ARAP2: variants seen among roughly 807,000 people sequenced by gnomAD.
ARAP2 encodes the protein ArfGAP with RhoGAP domain, ankyrin repeat and PH domain 2, also known as arf-GAP with Rho-GAP domain, ANK repeat and PH domain-containing protein 2.
ARAP2 carries 148 observed loss-of-function variants against 194.5 expected under a neutral mutation model. The observed-to-expected ratio is 0.76, with a 90% CI of 0.67 to 0.87. ARAP2 has a LOEUF of 0.87. ARAP2 is among the 40% of genes least tolerant of loss of function. The probability of loss-of-function intolerance (pLI) is 0.00; values close to 1 mark genes in which losing one functional copy is unlikely to be tolerated. For missense variants in ARAP2, 2,128 were observed against 1,989.7 expected, an observed-to-expected ratio of 1.07 and a Z score of -1.32; for synonymous variants, 695 against 683.5, an observed-to-expected ratio of 1.02 and a Z score of -0.26.
intron 24 of ARAP2, among the ~76,000 whole-genome samples, chr4:36,119,338 T>C (rs1485075168): frequency 6.6e-6 from 1 of 151,554 alleles, no homozygotes; most frequent in Non-Finnish European, 1.5e-5. Flanking sequence ...TAAGTATTTC[T>C]TTGGTTTTAA....
chr4:36,079,111 T>C (rs1357613813), intron 31 of ARAP2, among the ~76,000 whole-genome samples: 3 of 146,314 alleles, frequency 2.1e-5, no homozygotes, highest in African/African-American at 7.6e-5. Context: ...GAGGCAGAGA[T>C]TGCAGTGGGC....
chr4:36,129,480 G>T (rs910249146), intron 20 of ARAP2, among the ~76,000 whole-genome samples: 1 of 151,794 alleles, frequency 6.6e-6, no homozygotes, highest in Non-Finnish European at 1.5e-5. Flanking sequence ...TATTAACAAT[G>T]TTCTTTTTTT....
At chr4:36,182,913 G>A (rs1035444361) in intron 8 of ARAP2, among the ~76,000 whole-genome samples, 1 of 152,228 alleles carries the variant, frequency 6.6e-6, no homozygotes, top group Non-Finnish European at 1.5e-5. Context: ...TGTCAAGTAG[G>A]CTGCTGAATA....
intron 8 of ARAP2, among the ~76,000 whole-genome samples, chr4:36,185,654 T>C (rs1740362133): frequency 6.6e-6 from 1 of 152,070 alleles, no homozygotes; most frequent in African/African-American, 2.4e-5. Context: ...CATTTCCAAC[T>C]GGTGGTGAAC....
At chr4:36,106,718 T>C (rs949365681) in intron 27 of ARAP2, among the ~76,000 whole-genome samples, 10 of 151,986 alleles carry the variant, frequency 6.6e-5, no homozygotes, top group African/African-American at 2.4e-4. Context: ...GTTCTCTGAG[T>C]TTCTCTTCCC....
chr4:36,050,839 C>A (rs779449970), intron 3 of ARAP2, among the ~76,000 whole-genome samples: 5 of 152,278 alleles, frequency 3.3e-5, no homozygotes, highest in South Asian at 2.1e-4. Context: ...GATATTCCAG[C>A]GCTCTATTGC....
intron 6 of ARAP2, among the ~76,000 whole-genome samples, chr4:36,195,369 T>A (rs61796566): frequency 0.01 from 1,589 of 152,338 alleles, 14 homozygotes; most frequent in Non-Finnish European, 0.016. Context: ...ATTCTCAGCA[T>A]TAAATGTTGA....
intron 5 of ARAP2, among the ~76,000 whole-genome samples, chr4:36,036,992 T>C (rs916350189): frequency 7.9e-5 from 12 of 152,152 alleles, no homozygotes; most frequent in African/African-American, 2.9e-4. Context: ...AAAGGTAGTT[T>C]TCATGTTCTT....
chr4:36,028,397 A>C (rs780946330), intron 5 of ARAP2, among the ~76,000 whole-genome samples: 5 of 151,966 alleles, frequency 3.3e-5, no homozygotes, highest in East Asian at 3.8e-4. Flanking sequence ...TAAAAATTCT[A>C]TCTCTCTTCT....
intron 6 of ARAP2, among the ~76,000 whole-genome samples, chr4:36,199,979 A>G (rs1456516826): frequency 1.3e-5 from 2 of 152,114 alleles, no homozygotes; most frequent in Non-Finnish European, 2.9e-5. Flanking sequence ...TCACATCTCA[A>G]TAAAGCTGGA....
Position 36,244,425 on chromosome 4 carries a change from GCGGACCCGCGCT to G in ARAP2, c.-418_-407del, listed in dbSNP as rs1490607995. ...CACCTGGAGGCGGGGAGCGCGGGCC[GCGGACCCGCGCT>G]CAGCTCCGGAAACGCCGAGCCCGGC... On this transcript the variant is annotated 5_prime_UTR_variant, in exon 1 of 33. Coordinates refer to ENST00000303965, the MANE Select transcript of ARAP2 (RefSeq NM_015230.4). 2 of 149,908 alleles carry G rather than the reference GCGGACCCGCGCT, an allele frequency of 1.3e-5. No individual in the cohort carries two copies. Among genetic ancestry groups the G allele is most frequent in the Non-Finnish European group, 3.0e-5 (2 of 67,182 alleles). The allele number at this position is 149,908 out of a possible 1,614,324, so 9.3% of individuals were successfully genotyped here.
At chr4:36,019,998 T>A (rs1716621369) in intron 5 of ARAP2, among the ~76,000 whole-genome samples, 1 of 152,192 alleles carries the variant, frequency 6.6e-6, no homozygotes. Context: ...GAATTTATAG[T>A]TTAGGCATAG....
intron 20 of ARAP2, among the ~76,000 whole-genome samples, chr4:36,131,842 A>G (rs116789254): frequency 7.2e-4 from 110 of 151,908 alleles, no homozygotes; most frequent in Non-Finnish European, 1.4e-3. Context: ...TAACAAATGA[A>G]GGTAACATTC....
chr4:36,021,590 G>A (rs573985972), intron 5 of ARAP2, among the ~76,000 whole-genome samples: 1 of 152,156 alleles, frequency 6.6e-6, no homozygotes. Flanking sequence ...TAAGCTTCCA[G>A]AGGGCTCCCA....
intron 5 of ARAP2, among the ~76,000 whole-genome samples, chr4:36,033,333 A>AT (rs1324453538): frequency 2.0e-5 from 3 of 152,054 alleles, no homozygotes; most frequent in Non-Finnish European, 2.9e-5. Context: ...TTTTATTACT[A>AT]ATAGCCATTC....
chr4:36,103,698 T>G (rs974488756), intron 27 of ARAP2, among the ~76,000 whole-genome samples: 3 of 151,876 alleles, frequency 2.0e-5, no homozygotes, highest in Middle Eastern at 3.4e-3. Flanking sequence ...AATTTTTAAG[T>G]AGAGGCAACA....
rs547172235 is a variant in ARAP2 at position 36,225,907 on chromosome 4, T to C, written c.905+2675A>G. Among the ~76,000 whole-genome samples, 9 of 152,304 alleles carry C rather than the reference T, an allele frequency of 5.9e-5. No individual in the cohort carries two copies. In the South Asian group the frequency reaches 1.9e-3, roughly 32 times the overall value. On this transcript the variant is annotated intron_variant, in intron 2 of 32. Coordinates refer to ENST00000303965, the MANE Select transcript of ARAP2 (RefSeq NM_015230.4). ...AATGACCAATCAATATCAATATCAT[T>C]GACCAAAGAGAAACTCACGTTACAT...
Position 36,127,740 on chromosome 4 carries a change from T to C in ARAP2, c.3640+793A>G, listed in dbSNP as rs55982239. 5.3e-3 allele frequency among the ~76,000 whole-genome samples: 809 copies of C among 151,984 alleles called. 10 individuals carry two copies. Among genetic ancestry groups the C allele is most frequent in the African/African-American group, 0.018 (761 of 41,518 alleles). On this transcript the variant is annotated intron_variant, in intron 21 of 32. Transcript: ENST00000303965. ...AAAAATTATCATTTGGAAAATATTA[T>C]AGATATATGAGAAATGCTTATGATT...
In ARAP2 at chr4:36,141,138, T is replaced by C. The variant is rs576485743; in HGVS notation, c.3263+6158A>G. Among the ~76,000 whole-genome samples the C allele has an allele frequency of 2.6e-5, 4 of 151,790 alleles. No homozygotes were observed. The East Asian group carries it at 7.8e-4, about 29-fold the overall frequency. ...GAAAAAGATGTAATTTCTTGAACAT[T>C]TCAGTCAAAGTGATGATACAATTTC... On this transcript the variant is annotated intron_variant, in intron 19 of 32. Coordinates refer to ENST00000303965, the MANE Select transcript of ARAP2 (RefSeq NM_015230.4).
Sources: allele counts gnomAD v4.1 joint callset (sites outside exome capture counted in the v4.1 genomes callset), GRCh38; gene constraint gnomAD v4.1.1; transcripts MANE v1.5; gene names NCBI Gene and HGNC (gene_info 2026-07-23, HGNC 2026-07-21).